Variants in GSE1 observed in about 807,000 individuals in gnomAD.
GSE1 encodes genetic suppressor element 1.
GSE1 carries 32 observed loss-of-function variants against 112.6 expected under a neutral mutation model. That is an observed-to-expected ratio of 0.28 (90% CI 0.21 to 0.38). GSE1 has a LOEUF of 0.38. GSE1 is among the 10% of genes least tolerant of loss of function. The probability of loss-of-function intolerance (pLI) is 1.00; values close to 1 mark genes in which losing one functional copy is unlikely to be tolerated. For synonymous variants in GSE1, 1,115 were observed against 735.6 expected (o/e 1.52, Z -8.35); for missense variants, 2,348 against 1,699.2 (o/e 1.38, Z -6.71).
At chr16:85,503,696 AG>A (rs1353681560) in intron 2 of GSE1, among the ~76,000 whole-genome samples, 1 of 152,164 alleles carries the variant, frequency 6.6e-6, no homozygotes, top group Non-Finnish European at 1.5e-5. Flanking sequence ...GTGTCACCCG[AG>A]GGAGAAAAAG....
intron 2 of GSE1, among the ~76,000 whole-genome samples, chr16:85,509,873 C>T (rs978687581): frequency 3.3e-5 from 5 of 152,234 alleles, no homozygotes; most frequent in African/African-American, 7.2e-5. Flanking sequence ...CCAGCCCCCA[C>T]GTCCTGATCC....
At chr16:85,671,363 C>A (rs1025195211) in intron 15 of GSE1, among the ~76,000 whole-genome samples, 1 of 144,254 alleles carries the variant, frequency 6.9e-6, no homozygotes, top group Non-Finnish European at 1.5e-5. Flanking sequence ...TGGCGTGAAC[C>A]CGGGAGGCGG....
chr16:85,500,788 G>C (rs776576051), intron 2 of GSE1, among the ~76,000 whole-genome samples: 1 of 152,104 alleles, frequency 6.6e-6, no homozygotes, highest in South Asian at 2.1e-4. Flanking sequence ...ATAAAGGCCC[G>C]AAGTCCCAGA....
chr16:85,245,938 T>G (rs948670149), intron 1 of GSE1, among the ~76,000 whole-genome samples: 3 of 149,506 alleles, frequency 2.0e-5, no homozygotes, highest in Non-Finnish European at 3.0e-5. Flanking sequence ...TGTCTGCGTG[T>G]GTTAGTTGGG....
chr16:85,378,062 G>A (rs1045610906), intron 2 of GSE1, among the ~76,000 whole-genome samples: 1 of 152,298 alleles, frequency 6.6e-6, no homozygotes, highest in African/African-American at 2.4e-5. Flanking sequence ...TGGCAGCCAC[G>A]TCTCTTGGAG....
At chr16:85,395,795 C>T (rs1013406292) in intron 2 of GSE1, among the ~76,000 whole-genome samples, 8 of 152,012 alleles carry the variant, frequency 5.3e-5, no homozygotes, top group Admixed American at 2.0e-4. Flanking sequence ...TCCTCCTGGG[C>T]GCCCGCCCAC....
At chr16:85,222,715 C>G (rs749772591) in intron 1 of GSE1, among the ~76,000 whole-genome samples, 1 of 152,166 alleles carries the variant, frequency 6.6e-6, no homozygotes, top group Non-Finnish European at 1.5e-5. Flanking sequence ...TCCGTCTCTG[C>G]GTGGACTGCC....
chr16:85,473,765 C>G (rs2050367120), intron 2 of GSE1, among the ~76,000 whole-genome samples: 1 of 151,964 alleles, frequency 6.6e-6, no homozygotes, highest in Non-Finnish European at 1.5e-5. Context: ...ATGGTCCTGT[C>G]TTTTGCGGGG....
intron 1 of GSE1, among the ~76,000 whole-genome samples, chr16:85,332,466 G>T (rs563220043): frequency 6.6e-6 from 1 of 152,176 alleles, no homozygotes; most frequent in South Asian, 2.1e-4. Flanking sequence ...GAGGCTCAGG[G>T]AGGGGATGTG....
chr16:85,554,946 T>A (rs1483143545), upstream of GSE1: 3 of 984,944 alleles, frequency 3.0e-6, no homozygotes, highest in African/African-American at 5.2e-5. Flanking sequence ...CCTCCCCGGG[T>A]TTGGAGAGGC....
At chr16:85,337,976 G>A (rs961404453) in intron 1 of GSE1, among the ~76,000 whole-genome samples, 1 of 152,236 alleles carries the variant, frequency 6.6e-6, no homozygotes, top group African/African-American at 2.4e-5. Context: ...TCCCACCTCT[G>A]AGCTTTGAGG....
At chr16:85,428,520 C>T (rs974990860) in intron 2 of GSE1, among the ~76,000 whole-genome samples, 2 of 152,228 alleles carry the variant, frequency 1.3e-5, no homozygotes, top group Non-Finnish European at 2.9e-5. Context: ...AGTGACGTAG[C>T]GCTTGGAACC....
At chr16:85,461,152 G>T (rs1365360620) in intron 2 of GSE1, among the ~76,000 whole-genome samples, 1 of 152,180 alleles carries the variant, frequency 6.6e-6, no homozygotes, top group Non-Finnish European at 1.5e-5. Flanking sequence ...GTGGGGGATT[G>T]GCTCACCCTG....
At chr16:85,633,065 T>TG (rs1357751196) in intron 1 of GSE1, among the ~76,000 whole-genome samples, 1 of 152,164 alleles carries the variant, frequency 6.6e-6, no homozygotes, top group East Asian at 1.9e-4. Context: ...GGTCAGCCGT[T>TG]GCTGCGCCAG....
At chr16:85,518,258 C>T (rs996434672) in intron 2 of GSE1, among the ~76,000 whole-genome samples, 12 of 152,154 alleles carry the variant, frequency 7.9e-5, no homozygotes, top group Non-Finnish European at 1.3e-4. Context: ...GGTGTGAGGG[C>T]CCAAGAGAGA....
chr16:85,271,091 G>A (rs1012412720), intron 1 of GSE1, among the ~76,000 whole-genome samples: 5 of 152,180 alleles, frequency 3.3e-5, no homozygotes, highest in African/African-American at 1.2e-4. Context: ...TGGCCTCAGG[G>A]AGGCCAGAAG....
intron 15 of GSE1, among the ~76,000 whole-genome samples, chr16:85,671,461 C>CAAAAAAAAAAAAAAA (rs1193691794): frequency 1.3e-5 from 1 of 76,406 alleles, no homozygotes; most frequent in African/African-American, 4.6e-5. Flanking sequence ...AAAAAAAGAT[C>CAAAAAAAAAAAAAAA]AAAATTTGGA....
At chr16:85,195,394 A>T (rs950536103) in intron 1 of GSE1, among the ~76,000 whole-genome samples, 16 of 152,296 alleles carry the variant, frequency 1.1e-4, no homozygotes, top group African/African-American at 3.6e-4. Context: ...CCTGGCTGGG[A>T]CAGGGGTGGC....
chr16:85,210,175 G>C (rs1175961782), intron 1 of GSE1, among the ~76,000 whole-genome samples: 1 of 152,202 alleles, frequency 6.6e-6, no homozygotes, highest in African/African-American at 2.4e-5. Context: ...TCAAGGGTTT[G>C]AGAAACACTG....
Sources: gnomAD v4.1 joint callset for allele counts (sites outside exome capture counted in the v4.1 genomes callset) on GRCh38, gnomAD v4.1.1 for gene constraint, MANE v1.5 for transcripts, NCBI Gene and HGNC (gene_info 2026-07-23, HGNC 2026-07-21) for gene names.